KAZN: variants seen among roughly 807,000 people sequenced by gnomAD.
KAZN encodes kazrin, periplakin interacting protein.
In KAZN, 40 loss-of-function variants were observed where a neutral mutation model predicts 87.4. The ratio of observed to expected loss-of-function variants is 0.46; its 90% CI spans 0.36 to 0.60. KAZN has a LOEUF of 0.60. Among genes scored for constraint, KAZN ranks in the 20% least tolerant of loss-of-function variants. The pLI is 0.00. For missense variants in KAZN, 898 were observed against 1,073.9 expected, an observed-to-expected ratio of 0.84 and a Z score of 2.29; for synonymous variants, 466 against 458.3, an observed-to-expected ratio of 1.02 and a Z score of -0.22.
At chr1:14,741,386 A>G (rs1644094531) in intron 1 of KAZN, among the ~76,000 whole-genome samples, 2 of 152,144 alleles carry the variant, frequency 1.3e-5, no homozygotes, top group Admixed American at 6.5e-5. Flanking sequence ...GGCAAATCCC[A>G]TGGGCATGTG....
intron 1 of KAZN, among the ~76,000 whole-genome samples, chr1:14,888,025 C>T (rs1458850150): frequency 6.6e-6 from 1 of 152,050 alleles, no homozygotes; most frequent in Non-Finnish European, 1.5e-5. Flanking sequence ...CAGCCTCTCT[C>T]GGTGATAATG....
At position 14,735,082 on chromosome 1, in the gene KAZN, C is replaced by T. The variant is rs12071888; in HGVS notation, c.226+135859C>T. Among the ~76,000 whole-genome samples the T allele has an allele frequency of 6.2e-3, 922 of 148,876 alleles. 12 individuals carry two copies. The highest frequency in any genetic ancestry group is 0.023 in the African/African-American group (886 of 38,378). ...TGGTTTTTTTTGTTTTGTTTTGAGA[C>T]GGAGTCTCGCTCTTTCGCCCAGGCC... On this transcript the variant is annotated intron_variant, in intron 1 of 14. Coordinates refer to ENST00000376030, the MANE Select transcript of KAZN (RefSeq NM_201628.3). The surrounding 1 kb of genome is among the most constrained non-coding windows in gnomAD (Gnocchi z 4.3).
intron 2 of KAZN, among the ~76,000 whole-genome samples, chr1:14,301,784 C>T (rs2100781761): frequency 6.6e-6 from 1 of 152,288 alleles, no homozygotes; most frequent in South Asian, 2.1e-4. Flanking sequence ...GCAAGGTACT[C>T]CTTCCTTTCC....
intron 1 of KAZN, among the ~76,000 whole-genome samples, chr1:14,787,195 C>T (rs115091324): frequency 0.011 from 1,716 of 152,274 alleles, 34 homozygotes; most frequent in African/African-American, 0.039. Context: ...CCAATACATG[C>T]GTTCACGTAT....
intron 1 of KAZN, among the ~76,000 whole-genome samples, chr1:14,857,184 T>G (rs1650224532): frequency 1.3e-5 from 2 of 152,206 alleles, no homozygotes; most frequent in Admixed American, 1.3e-4. Context: ...GTAACAATAC[T>G]TCTTTCAGAG....
intron 2 of KAZN, among the ~76,000 whole-genome samples, chr1:14,294,900 C>CTT (rs556014505): frequency 6.4e-5 from 9 of 139,732 alleles, no homozygotes; most frequent in African/African-American, 1.1e-4. Context: ...TCATTCAGAT[C>CTT]TTTTTTTTTT....
chr1:14,124,608 T>C (rs951241410), intron 1 of KAZN, among the ~76,000 whole-genome samples: 1 of 152,234 alleles, frequency 6.6e-6, no homozygotes, highest in Non-Finnish European at 1.5e-5. Context: ...GATCTTTTCT[T>C]ATTTATTGCT....
intron 2 of KAZN, among the ~76,000 whole-genome samples, chr1:14,250,220 A>C (rs1042007734): frequency 3.0e-4 from 46 of 152,200 alleles, no homozygotes; most frequent in Non-Finnish European, 2.9e-5. Flanking sequence ...AATTGTTAAA[A>C]AGCAGGAAGT....
At chr1:14,002,183 G>C (rs889256214) in intron 1 of KAZN, among the ~76,000 whole-genome samples, 1 of 152,180 alleles carries the variant, frequency 6.6e-6, no homozygotes, top group African/African-American at 2.4e-5. Context: ...GTCAAAAAGT[G>C]GGCAAAGGAC....
At chr1:14,360,225 T>A (rs1659388751) in intron 2 of KAZN, among the ~76,000 whole-genome samples, 1 of 152,226 alleles carries the variant, frequency 6.6e-6, no homozygotes, top group African/African-American at 2.4e-5. Flanking sequence ...TTCCACTTGA[T>A]CAATTCAGCT....
At chr1:14,551,380 A>T (rs116517502) in intron 2 of KAZN, among the ~76,000 whole-genome samples, 1 of 152,190 alleles carries the variant, frequency 6.6e-6, no homozygotes, top group African/African-American at 2.4e-5. Flanking sequence ...AATGGGAAGA[A>T]CCAAATTAAA....
At chr1:14,665,108 G>A (rs1481489218) in intron 1 of KAZN, among the ~76,000 whole-genome samples, 1 of 152,068 alleles carries the variant, frequency 6.6e-6, no homozygotes, top group African/African-American at 2.4e-5. Flanking sequence ...TTATTCCGCT[G>A]CCCCAACAAA....
chr1:14,052,653 G>A (rs988896834), intron 1 of KAZN, among the ~76,000 whole-genome samples: 1 of 152,176 alleles, frequency 6.6e-6, no homozygotes, highest in Non-Finnish European at 1.5e-5. Flanking sequence ...GATGTGTAGG[G>A]GGGCAGAGGC....
chr1:14,698,965 C>G (rs1198347455), intron 1 of KAZN, among the ~76,000 whole-genome samples: 1 of 151,172 alleles, frequency 6.6e-6, no homozygotes, highest in Admixed American at 6.6e-5. Context: ...TGACCAGGGA[C>G]AAGGACATAA....
At chr1:14,507,340 C>T (rs952578647) in intron 2 of KAZN, among the ~76,000 whole-genome samples, 2 of 152,196 alleles carry the variant, frequency 1.3e-5, no homozygotes, top group African/African-American at 4.8e-5. Context: ...TGTTCCCTAT[C>T]ACAATCGTCC....
chr1:14,585,711 T>G (rs571624123), intron 2 of KAZN, among the ~76,000 whole-genome samples: 1 of 151,340 alleles, frequency 6.6e-6, no homozygotes, highest in South Asian at 2.1e-4. Context: ...TGGGAAGGAG[T>G]GAGGAATGAC....
At position 14,695,510 on chromosome 1, in the gene KAZN, CT is replaced by C. The variant is rs112667110; in HGVS notation, c.226+96302del. Among the ~76,000 whole-genome samples, 327 of 84,940 alleles carry C rather than the reference CT, an allele frequency of 3.8e-3. 8 individuals are homozygous for C. The highest frequency in any genetic ancestry group is 5.0e-3 in the Admixed American group (43 of 8,546). The allele number at this position is 84,940 out of a possible 152,430, so 55.7% of individuals were successfully genotyped here. On this transcript the variant is annotated intron_variant, in intron 1 of 14. Transcript: ENST00000376030. The stretch of plus-strand genomic sequence containing the variant: ...CCTCTTTCCCCAGACTACATTCCAT[CT>C]TTTTTTTTTTTTTTGATGGAGTCTT...
intron 1 of KAZN, among the ~76,000 whole-genome samples, chr1:14,837,467 G>A (rs562397566): frequency 5.3e-4 from 81 of 152,188 alleles, no homozygotes; most frequent in African/African-American, 1.9e-3. Context: ...CCAAAGTGCT[G>A]GGATTTTAGG....
At chr1:14,130,628 A>AGGT (rs1644972581) in intron 1 of KAZN, among the ~76,000 whole-genome samples, 1 of 151,548 alleles carries the variant, frequency 6.6e-6, no homozygotes, top group South Asian at 2.1e-4. Flanking sequence ...TCCTGAGTAA[A>AGGT]AGTAGTCCTT....
Sources: gnomAD v4.1 joint callset for allele counts (sites outside exome capture counted in the v4.1 genomes callset) on GRCh38, gnomAD v4.1.1 for gene constraint, Gnocchi (gnomAD v3.1) non-coding constraint, MANE v1.5 for transcripts, NCBI Gene and HGNC (gene_info 2026-07-23, HGNC 2026-07-21) for gene names.